The following ERN1 variants were observed in gnomAD, a reference collection of about 807,000 sequenced individuals.
ERN1 encodes the protein serine/threonine-protein kinase/endoribonuclease IRE1.
ERN1 carries 39 observed loss-of-function variants against 113.1 expected under a neutral mutation model. That is an observed-to-expected ratio of 0.34 (90% CI 0.27 to 0.45). ERN1 has a LOEUF of 0.45. Ranked by LOEUF, ERN1 falls within the 20% of genes least tolerant of loss-of-function variation. The pLI is 1.00. For synonymous variants in ERN1, 507 were observed against 515.9 expected, an observed-to-expected ratio of 0.98 and a Z score of 0.23; for missense variants, 976 against 1,274.8, an observed-to-expected ratio of 0.77 and a Z score of 3.57.
At chr17:64,110,997 G>GGAAA (rs1308879441) in intron 1 of ERN1, among the ~76,000 whole-genome samples, 2 of 152,096 alleles carry the variant, frequency 1.3e-5, no homozygotes, top group Non-Finnish European at 2.9e-5. Context: ...AACAGAAGCA[G>GGAAA]GAAAGAATTA....
At chr17:64,117,550 A>G (rs1468807954) in intron 1 of ERN1, among the ~76,000 whole-genome samples, 1 of 152,228 alleles carries the variant, frequency 6.6e-6, no homozygotes, top group African/African-American at 2.4e-5. Context: ...ATTTTCAGAC[A>G]TACCTGAGGA....
intron 1 of ERN1, among the ~76,000 whole-genome samples, chr17:64,103,210 T>C (rs956133768): frequency 1.3e-5 from 2 of 152,118 alleles, no homozygotes; most frequent in African/African-American, 2.4e-5. Context: ...TAAAGCAATG[T>C]TACGGCTGGA....
At chr17:64,075,109 G>A (rs1567871196) in intron 5 of ERN1, 66 bp downstream of exon 5, 2 of 1,331,244 alleles carry the variant, frequency 1.5e-6, no homozygotes, top group South Asian at 1.3e-5. Flanking sequence ...CTCTCCGCAT[G>A]CCACTTTCCC....
chr17:64,091,053 G>A (rs1181801467), intron 2 of ERN1, among the ~76,000 whole-genome samples: 1 of 152,202 alleles, frequency 6.6e-6, no homozygotes, highest in African/African-American at 2.4e-5. Context: ...TACTTAAGCA[G>A]TGAGGGTAAA....
In ERN1 at chr17:64,054,053, C is replaced by T. The variant is rs755199235; in HGVS notation, c.1953+197G>A. The T allele has an allele frequency of 1.9e-4, 95 of 511,046 alleles. No homozygotes were observed. Among genetic ancestry groups the T allele is most frequent in the Non-Finnish European group, 3.1e-4 (88 of 286,392 alleles). 31.7% of individuals were successfully genotyped at this position (511,046 alleles called of 1,614,324 possible). A position where few individuals can be genotyped will look rare whatever the true frequency, so the allele number is the denominator to read the frequency against. ...CTCCCAGGCTCAAGCAATCTTCCCACCTCAGCCTCCCAAGTAGCTGGGGCT... is the reference window on the plus strand; with the variant it reads ...CTCCCAGGCTCAAGCAATCTTCCCATCTCAGCCTCCCAAGTAGCTGGGGCT... On this transcript the variant is annotated intron_variant, in intron 15 of 21. Coordinates refer to ENST00000433197, the MANE Select transcript of ERN1 (RefSeq NM_001433.5). The surrounding 1 kb of genome is among the most constrained non-coding windows in gnomAD (Gnocchi z 4.9).
chr17:64,098,355 A>G (rs1914288284), intron 1 of ERN1, 114 bp from the exon 2 acceptor site: 1 of 1,313,584 alleles, frequency 7.6e-7, no homozygotes, highest in Admixed American at 1.7e-5. Flanking sequence ...CATTTTACAG[A>G]TGAAGAAATG....
chr17:64,091,001 C>T (rs1328119338), intron 2 of ERN1, among the ~76,000 whole-genome samples: 1 of 152,180 alleles, frequency 6.6e-6, no homozygotes, highest in Non-Finnish European at 1.5e-5. Flanking sequence ...ACTTAATTTT[C>T]AATCCTTCAC....
rs1447785054 is a variant in ERN1 at position 64,055,169 on chromosome 17, C to T, written c.1673-341G>A. 2.0e-5 allele frequency among the ~76,000 whole-genome samples: 3 copies of T among 152,262 alleles called. No homozygotes were observed. The East Asian group carries it at 5.8e-4, about 29-fold the overall frequency. On this transcript the variant is annotated intron_variant, in intron 13 of 21. Transcript: ENST00000433197. Reference sequence around the variant, plus strand: ...ATGGTTTAATAGTTAACAACCACCACAAAGTCCACTGTAAAGATCCGCACT... The same window carrying T: ...ATGGTTTAATAGTTAACAACCACCATAAAGTCCACTGTAAAGATCCGCACT...
intron 19 of ERN1, 128 bp downstream of exon 19, chr17:64,047,729 CA>C (rs1276716379): frequency 1.4e-6 from 1 of 734,652 alleles, no homozygotes; most frequent in Non-Finnish European, 2.1e-6. Context: ...AACATTAAAA[CA>C]TCAGCCATGA....
At chr17:64,113,579 G>A (rs546268044) in intron 1 of ERN1, among the ~76,000 whole-genome samples, 3 of 151,502 alleles carry the variant, frequency 2.0e-5, no homozygotes, top group African/African-American at 4.9e-5. Flanking sequence ...GCGTGATCCC[G>A]GCTCACTGCA....
chr17:64,125,279 G>A (rs930572190), intron 1 of ERN1, among the ~76,000 whole-genome samples: 1 of 151,776 alleles, frequency 6.6e-6, no homozygotes, highest in Admixed American at 6.6e-5. Flanking sequence ...TTGAGATAAT[G>A]CCTCAAAAAA....
chr17:64,083,737 G>A (rs552897253), intron 2 of ERN1, among the ~76,000 whole-genome samples: 55 of 152,178 alleles, frequency 3.6e-4, no homozygotes, highest in African/African-American at 1.3e-3. Flanking sequence ...TCCACTCCCC[G>A]GCCCCCATCG....
Position 64,060,521 on chromosome 17 carries a change from T to C in ERN1, c.1154A>G (p.Lys385Arg), listed in dbSNP as rs1292013053. The C allele has an allele frequency of 3.1e-6, 5 of 1,613,996 alleles. No homozygotes were observed. Among genetic ancestry groups the C allele is most frequent in the Non-Finnish European group, 4.2e-6 (5 of 1,179,864 alleles). Residue 385 changes from lysine to arginine, a missense_variant, in exon 11 of 22, where the codon AAA becomes AGA. This residue lies in a region of ERN1 where 459 missense variants were observed against 581.2 expected (regional missense o/e 0.79). Transcript: ENST00000433197. The part of the protein sequence containing the change: ...MLERFPNNLP[K>R]HRENVIPADS... ...AGCAGGAATCACATTTTCCCGATGT[T>C]TGGGTAGATTGTTGGGAAATCTCTC...
rs907752259 is a variant in ERN1, at chr17:64,042,841, A to G, written c.*1147T>C. The G allele has an allele frequency of 6.6e-6, 1 of 152,254 alleles. No homozygotes were observed. The highest frequency in any genetic ancestry group is 2.4e-5 in the African/African-American group (1 of 41,466). 9.4% of individuals were successfully genotyped at this position (152,254 alleles called of 1,614,324 possible). On this transcript the variant is annotated 3_prime_UTR_variant, in exon 22 of 22. Transcript: ENST00000433197. ...GATTTTTGGTACCACAAAAAATAGA[A>G]GATGTATTCTATCTTGCATTTATTC... is the stretch of plus-strand genomic sequence containing the variant.
intron 2 of ERN1, among the ~76,000 whole-genome samples, chr17:64,087,744 T>C (rs1349369697): frequency 6.6e-6 from 1 of 152,144 alleles, no homozygotes; most frequent in Non-Finnish European, 1.5e-5. Context: ...GGCAAACATC[T>C]GCAATAGGTT....
At position 64,041,148 on chromosome 17, in the gene ERN1, AAAAAAAC is replaced by A. The variant is rs1912325207; in HGVS notation, c.*2833_*2839del. ...GGGTGACAGAGCGAGACTCTGTCTC[AAAAAAAC>A]AAAAAACAAACGAAAAAACACTGAA... On this transcript the variant is annotated 3_prime_UTR_variant, in exon 22 of 22. Transcript: ENST00000433197. 6.6e-6 allele frequency: 1 copy of A among 152,186 alleles called. No homozygotes were observed. The highest frequency in any genetic ancestry group is 2.4e-5 in the African/African-American group (1 of 41,414). The allele number at this position is 152,186 out of a possible 1,614,324, so 9.4% of individuals were successfully genotyped here. A position where few individuals can be genotyped will look rare whatever the true frequency, so the allele number is the denominator to read the frequency against.
intron 10 of ERN1, among the ~76,000 whole-genome samples, chr17:64,061,611 T>C (rs933826773): frequency 1.3e-5 from 2 of 152,226 alleles, no homozygotes; most frequent in African/African-American, 2.4e-5. Flanking sequence ...AAACCTACTT[T>C]TGTTTTGAGC....
chr17:64,118,469 C>G (rs1914868957), intron 1 of ERN1, among the ~76,000 whole-genome samples: 1 of 152,198 alleles, frequency 6.6e-6, no homozygotes, highest in African/African-American at 2.4e-5. Flanking sequence ...TTCCTTTAAG[C>G]ATTAAGTTAA....
rs553616054 is a variant in ERN1, at chr17:64,115,603, G to C, written c.54+14373C>G. 2.0e-4 allele frequency among the ~76,000 whole-genome samples: 30 copies of C among 152,316 alleles called. No homozygotes were observed. In the South Asian group the frequency reaches 4.1e-3, roughly 21 times the overall value. On this transcript the variant is annotated intron_variant, in intron 1 of 21. Transcript: ENST00000433197. ...GTCTTCTCACTCCTTGCCCTAGCCT[G>C]TGTCCATATAGCTTCAAAACCTGTT...
Sources: gnomAD v4.1 joint callset for allele counts (sites outside exome capture counted in the v4.1 genomes callset) on GRCh38, gnomAD v4.1.1 for gene constraint, gnomAD v4.1.1 regional missense constraint, Gnocchi (gnomAD v3.1) non-coding constraint, MANE v1.5 for transcripts, NCBI Gene and HGNC (gene_info 2026-07-23, HGNC 2026-07-21) for gene names.